Variants in FAM13B observed in about 807,000 individuals in gnomAD.
The protein encoded by FAM13B is protein FAM13B.
Under a neutral mutation model 117.3 loss-of-function variants are expected in FAM13B, and 60 were observed. The observed-to-expected ratio is 0.51, with a 90% CI of 0.42 to 0.63. FAM13B has a LOEUF of 0.63. FAM13B is among the 30% of genes least tolerant of loss of function. The pLI is 0.00. For missense variants in FAM13B, 972 were observed against 1,091.9 expected, an observed-to-expected ratio of 0.89 and a Z score of 1.55; for synonymous variants, 332 against 356.1, an observed-to-expected ratio of 0.93 and a Z score of 0.76.
intron 10 of FAM13B, among the ~76,000 whole-genome samples, chr5:137,966,386 G>A (rs1380660182): frequency 2.0e-5 from 3 of 148,962 alleles, no homozygotes; most frequent in South Asian, 2.1e-4. Flanking sequence ...GCAGTGAGCC[G>A]AGATTGCACC....
chr5:138,029,320 T>C, intron 1 of FAM13B, among the ~76,000 whole-genome samples: 1 of 152,228 alleles, frequency 6.6e-6, no homozygotes, highest in East Asian at 1.9e-4. Flanking sequence ...CAATTCTCAG[T>C]GAAAATTTTG....
At chr5:138,017,599 A>G (rs1280181079) in intron 4 of FAM13B, among the ~76,000 whole-genome samples, 1 of 152,162 alleles carries the variant, frequency 6.6e-6, no homozygotes, top group Non-Finnish European at 1.5e-5. Context: ...ATGTCCCTCC[A>G]TTACATATAC....
At chr5:138,034,995 C>CTTTTTTTTTTTTTTTT (rs557807234), upstream of FAM13B, among the ~76,000 whole-genome samples, 234 of 34,380 alleles carry the variant, frequency 6.8e-3, 76 homozygotes, top group East Asian at 0.019. Flanking sequence ...ATTCCCTTGC[C>CTTTTTTTTTTTTTTTT]TTTTTTTTTT....
At position 138,028,851 on chromosome 5, in the gene FAM13B, G is replaced by A. The variant is rs368639542; in HGVS notation, c.-203+3931C>T. Among the ~76,000 whole-genome samples, 10 of 152,180 alleles carry A rather than the reference G, an allele frequency of 6.6e-5. No homozygotes were observed. The East Asian group carries it at 7.7e-4, about 12-fold the overall frequency. On this transcript the variant is annotated intron_variant, in intron 1 of 23. Transcript: ENST00000689681. The stretch of plus-strand genomic sequence containing the variant: ...GTGGCCAACATGGTGAAACCCCATC[G>A]CTACAAGAAATACAAAAATTAGCCA...
chr5:137,982,670 T>C (rs1776103284), intron 10 of FAM13B, among the ~76,000 whole-genome samples: 1 of 152,204 alleles, frequency 6.6e-6, no homozygotes, highest in Admixed American at 6.5e-5. Flanking sequence ...CCTTTATTTA[T>C]CATCCTCTTT....
At chr5:137,957,219 T>C (rs560218511) in intron 13 of FAM13B, among the ~76,000 whole-genome samples, 5 of 152,246 alleles carry the variant, frequency 3.3e-5, no homozygotes, top group Admixed American at 3.3e-4. Context: ...GTTGGTCTCT[T>C]AAATAAATAA....
At chr5:138,007,645 T>C (rs955330186) in intron 6 of FAM13B, among the ~76,000 whole-genome samples, 26 of 152,164 alleles carry the variant, frequency 1.7e-4, no homozygotes, top group Non-Finnish European at 3.1e-4. Flanking sequence ...GTGATTCAGA[T>C]TGAATTATTC....
intron 1 of FAM13B, among the ~76,000 whole-genome samples, chr5:138,048,117 A>C (rs903091511): frequency 6.6e-6 from 1 of 152,224 alleles, no homozygotes; most frequent in African/African-American, 2.4e-5. Flanking sequence ...AAAACTCTAG[A>C]GCAGTTTTAG....
intron 15 of FAM13B, 38 bp downstream of exon 15, chr5:137,954,128 T>C (rs1345686847): frequency 2.0e-6 from 3 of 1,466,912 alleles, no homozygotes; most frequent in South Asian, 1.2e-5. Context: ...GGGTACATAA[T>C]AGGAATTGCC....
At chr5:137,994,111 A>G (rs1218733697) in intron 7 of FAM13B, among the ~76,000 whole-genome samples, 1 of 152,238 alleles carries the variant, frequency 6.6e-6, no homozygotes, top group Non-Finnish European at 1.5e-5. Context: ...TTGCTACTGA[A>G]AACTACAAGT....
Position 137,954,224 on chromosome 5 carries a change from G to T in FAM13B, c.1660C>A (p.Arg554Ser). The T allele has an allele frequency of 6.2e-7, 1 of 1,613,966 alleles. No individual in the cohort carries two copies. Among genetic ancestry groups the T allele is most frequent in the Non-Finnish European group, 8.5e-7 (1 of 1,179,984 alleles). Residue 554 changes from arginine (R) to serine (S), a missense_variant, in exon 15 of 24, where the codon CGT becomes AGT. Arg to Ser is a moderately radical substitution (Grantham distance 110, BLOSUM62 -1). Transcript: ENST00000689681. Reference protein sequence around the residue: ...HRSLDFGQSQRFLHDPEKLDS... With the variant: ...HRSLDFGQSQSFLHDPEKLDS... ...AACTTTTCTGGATCATGTAGGAAAC[G>T]CTGGCTTTGACCAAAATCTAAACTG...
chr5:137,995,403 A>T (rs7728955), intron 7 of FAM13B, among the ~76,000 whole-genome samples: 149,341 of 152,308 alleles, frequency 0.98, 73,287 homozygotes, highest in Middle Eastern at 1. Flanking sequence ...AACTACTATA[A>T]CCAGGGACAT....
intron 1 of FAM13B, among the ~76,000 whole-genome samples, chr5:138,046,581 A>C (rs2151131130): frequency 6.6e-6 from 1 of 152,338 alleles, no homozygotes; most frequent in African/African-American, 2.4e-5. Context: ...TGGAAACAAC[A>C]GGAAGTGTAA....
At chr5:137,985,653 G>A (rs1777011790) in intron 9 of FAM13B, among the ~76,000 whole-genome samples, 1 of 152,078 alleles carries the variant, frequency 6.6e-6, no homozygotes, top group Non-Finnish European at 1.5e-5. Flanking sequence ...AATAATTTAT[G>A]GGCCGAAATA....
At chr5:137,945,864 A>G (rs1262897912) in intron 20 of FAM13B, 38 bp downstream of exon 20, 1 of 1,487,076 alleles carries the variant, frequency 6.7e-7, no homozygotes, top group Non-Finnish European at 9.3e-7. Flanking sequence ...GTACATCTTG[A>G]TAAAATGAAC....
chr5:138,051,240 G>A (rs1303854337), intron 1 of FAM13B, among the ~76,000 whole-genome samples: 4 of 152,022 alleles, frequency 2.6e-5, no homozygotes, highest in Non-Finnish European at 4.4e-5. Context: ...ATCCATATTA[G>A]TAAATTTGTT....
At position 137,943,562 on chromosome 5, in the gene FAM13B, G is replaced by A. The variant is rs967692048; in HGVS notation, c.2341-346C>T. Among the ~76,000 whole-genome samples, 6 of 152,082 alleles carry A rather than the reference G, an allele frequency of 3.9e-5. No homozygotes were observed. In the South Asian group the frequency reaches 8.3e-4, roughly 21 times the overall value. Reference sequence around the variant, plus strand: ...AGATCGAGACCATCCTGGCTAACACGGTGAAAGCCCGCCTCTACTAAAAAT... The same window carrying A: ...AGATCGAGACCATCCTGGCTAACACAGTGAAAGCCCGCCTCTACTAAAAAT... On this transcript the variant is annotated intron_variant, in intron 20 of 23. Transcript: ENST00000689681.
At chr5:138,008,773 A>G (rs990063019) in intron 6 of FAM13B, among the ~76,000 whole-genome samples, 1 of 152,222 alleles carries the variant, frequency 6.6e-6, no homozygotes, top group African/African-American at 2.4e-5. Context: ...CCACCATCCA[A>G]ACTACCTAAA....
At chr5:137,989,291 GAGTATCATTT>G (rs1752228396) in intron 7 of FAM13B, among the ~76,000 whole-genome samples, 4 of 152,210 alleles carry the variant, frequency 2.6e-5, no homozygotes, top group Admixed American at 2.6e-4. Flanking sequence ...GAAACCAAAT[GAGTATCATTT>G]ACCATTCATT....
Sources: allele counts gnomAD v4.1 joint callset (sites outside exome capture counted in the v4.1 genomes callset), GRCh38; gene constraint gnomAD v4.1.1; transcripts MANE v1.5; gene names NCBI Gene and HGNC (gene_info 2026-07-23, HGNC 2026-07-21).